The following SP140 variants were observed in gnomAD, a reference collection of about 807,000 sequenced individuals.
The protein encoded by SP140 is SP140 nuclear body protein, also known as nuclear body protein SP140.
SP140 carries 81 observed loss-of-function variants against 125.0 expected under a neutral mutation model. The ratio of observed to expected loss-of-function variants is 0.65; its 90% CI spans 0.54 to 0.78. The LOEUF is 0.78. Among genes scored for constraint, SP140 ranks in the 30% least tolerant of loss-of-function variants. The probability of loss-of-function intolerance (pLI) is 0.00; values close to 1 mark genes in which losing one functional copy is unlikely to be tolerated. For synonymous variants in SP140, 312 were observed against 354.0 expected, an observed-to-expected ratio of 0.88 and a Z score of 1.33; for missense variants, 858 against 1,037.0, an observed-to-expected ratio of 0.83 and a Z score of 2.37.
chr2:230,235,621 A>C (rs1379089247), intron 1 of SP140, among the ~76,000 whole-genome samples: 1 of 152,214 alleles, frequency 6.6e-6, no homozygotes, highest in Non-Finnish European at 1.5e-5. Flanking sequence ...GGATAAAAAA[A>C]ATCCTGGAAG....
In SP140 at chr2:230,313,191, T is replaced by C. The variant is rs114742018; in HGVS notation, c.*507T>C. 2,189 of 153,190 alleles carry C rather than the reference T, an allele frequency of 0.014. 56 individuals are homozygous for C. Among genetic ancestry groups the C allele is most frequent in the African/African-American group, 0.05 (2,093 of 41,556 alleles). 9.5% of individuals were successfully genotyped at this position (153,190 alleles called of 1,614,324 possible). A position where few individuals can be genotyped will look rare whatever the true frequency, so the allele number is the denominator to read the frequency against. ...TGTGGGACTCCTGTGCAAACATATG[T>C]TATTAAAATTTTTTTCCTCCTGTTT... On this transcript the variant is annotated 3_prime_UTR_variant, in exon 27 of 27. Coordinates refer to ENST00000392045, the MANE Select transcript of SP140 (RefSeq NM_007237.5).
intron 10 of SP140, among the ~76,000 whole-genome samples, chr2:230,251,703 C>T (rs185757227): frequency 8.5e-4 from 130 of 152,320 alleles, no homozygotes; most frequent in African/African-American, 2.9e-3. Context: ...TTCAGATGAT[C>T]TCTTTATGAG....
intron 12 of SP140, among the ~76,000 whole-genome samples, chr2:230,264,476 A>G (rs573336751): frequency 2.6e-5 from 4 of 152,084 alleles, no homozygotes; most frequent in African/African-American, 9.6e-5. Context: ...TTTTGGGTAA[A>G]TCAGGGATTT....
the SP140 span, chr2:230,186,175 G>T: frequency 2.7e-5 from 44 of 1,611,714 alleles, no homozygotes; most frequent in Admixed American, 1.7e-4. Flanking sequence ...ATAGTTTAGT[G>T]AGCTCCCTTC....
chr2:230,213,849 T>A (rs1005135920), intron 2 of SP140: 3 of 152,318 alleles, frequency 2.0e-5, no homozygotes, highest in Admixed American at 1.3e-4. Context: ...CCTCTCCTAG[T>A]ATTGCCCAGA....
intron 3 of SP140, among the ~76,000 whole-genome samples, chr2:230,220,267 A>G (rs552098477): frequency 6.6e-6 from 1 of 152,244 alleles, no homozygotes; most frequent in East Asian, 1.9e-4. Context: ...ATGCTTCCCT[A>G]ACCACATCTA....
chr2:230,269,549 A>AATC lies in SP140; in HGVS notation c.1260_1262dup (p.His421dup). ...CTCATTAGTGTCTAGTGAACTAGAAAATCACCCAATGAATGAAGAAGGAGA... is the reference window on the plus strand; with the variant it reads ...CTCATTAGTGTCTAGTGAACTAGAAAATCATCACCCAATGAATGAAGAAGGAGA... On this transcript the variant is annotated inframe_insertion, in exon 13 of 27. Transcript: ENST00000392045. 1 of 1,606,656 alleles carries AATC rather than the reference A, an allele frequency of 6.2e-7. No individual in the cohort carries two copies. The highest frequency in any genetic ancestry group is 8.5e-7 in the Non-Finnish European group (1 of 1,173,608).
intron 1 of SP140, among the ~76,000 whole-genome samples, chr2:230,230,195 G>A (rs1026367290): frequency 6.6e-6 from 1 of 152,122 alleles, no homozygotes; most frequent in Non-Finnish European, 1.5e-5. Context: ...AGGCAGACAG[G>A]GGGCTGGGGA....
intron 22 of SP140, among the ~76,000 whole-genome samples, chr2:230,302,811 T>C (rs547658014): frequency 4.7e-4 from 71 of 152,272 alleles, no homozygotes; most frequent in Middle Eastern, 3.4e-3. Flanking sequence ...TGAATGATCA[T>C]TGGGTCCACA....
chr2:230,281,820 C>T (rs190440912), intron 15 of SP140, among the ~76,000 whole-genome samples: 60 of 152,164 alleles, frequency 3.9e-4, no homozygotes, highest in Admixed American at 3.5e-3. Flanking sequence ...ATGGACACCT[C>T]GAGTTTTTTA....
At chr2:230,265,793 G>T (rs34790921) in intron 12 of SP140, among the ~76,000 whole-genome samples, 27,376 of 145,546 alleles carry the variant, frequency 0.19, 2,899 homozygotes, top group Non-Finnish European at 0.26. Context: ...AGTTTTACGG[G>T]GGGGGGCGGT....
At chr2:230,216,417 C>T (rs919323104) in intron 3 of SP140, among the ~76,000 whole-genome samples, 1 of 152,140 alleles carries the variant, frequency 6.6e-6, no homozygotes, top group East Asian at 1.9e-4. Flanking sequence ...TAAGGATTTC[C>T]AACAGCTACC....
chr2:230,198,517 T>C (rs367843187), upstream of SP140, among the ~76,000 whole-genome samples: 361 of 152,314 alleles, frequency 2.4e-3, 2 homozygotes, highest in African/African-American at 8.2e-3. Context: ...CTTATTCTTA[T>C]AGATTAAAGA....
rs1316224586 is a variant in SP140 at position 230,237,796 on chromosome 2, TTG to T, written c.238-414_238-413del. Among the ~76,000 whole-genome samples, 2 of 150,702 alleles carry T rather than the reference TTG, an allele frequency of 1.3e-5. No individual in the cohort carries two copies. Among genetic ancestry groups the T allele is most frequent in the African/African-American group, 4.9e-5 (2 of 40,844 alleles). On this transcript the variant is annotated intron_variant, in intron 2 of 26. Transcript: ENST00000392045. The surrounding 1 kb of genome is among the most constrained non-coding windows in gnomAD (Gnocchi z 5.4). ...CTGAGGACAAGGCTTCTTCTTGTCT[TTG>T]TGAATTTTCTGTGCCCTTTGGCCAG...
intron 9 of SP140, among the ~76,000 whole-genome samples, chr2:230,249,652 A>G (rs2050051930): frequency 6.6e-6 from 1 of 152,202 alleles, no homozygotes; most frequent in African/African-American, 2.4e-5. Flanking sequence ...AATGGTAGCA[A>G]ATACAATAAC....
chr2:230,256,338 C>G (rs917869278), intron 12 of SP140, among the ~76,000 whole-genome samples: 2 of 151,852 alleles, frequency 1.3e-5, no homozygotes, highest in African/African-American at 2.4e-5. Flanking sequence ...GAATACTATG[C>G]AGCCATAAAA....
chr2:230,264,128 T>G (rs1457963311), intron 12 of SP140, among the ~76,000 whole-genome samples: 1 of 152,108 alleles, frequency 6.6e-6, no homozygotes, highest in Non-Finnish European at 1.5e-5. Flanking sequence ...TTTGGTCATT[T>G]AACATAATCC....
At chr2:230,274,799 T>C (rs1417320886) in intron 15 of SP140, among the ~76,000 whole-genome samples, 1 of 152,140 alleles carries the variant, frequency 6.6e-6, no homozygotes, top group Non-Finnish European at 1.5e-5. Flanking sequence ...TTGTTCCCTG[T>C]AAACTTTGCT....
chr2:230,279,232 A>G (rs1451786010), intron 15 of SP140, among the ~76,000 whole-genome samples: 2 of 152,162 alleles, frequency 1.3e-5, no homozygotes, highest in African/African-American at 4.8e-5. Context: ...TAAAATGTCC[A>G]TATTACCCAA....
Sources: allele counts gnomAD v4.1 joint callset (sites outside exome capture counted in the v4.1 genomes callset), GRCh38; gene constraint gnomAD v4.1.1; non-coding constraint Gnocchi (gnomAD v3.1); transcripts MANE v1.5; gene names NCBI Gene and HGNC (gene_info 2026-07-23, HGNC 2026-07-21).